Variants in ASF1A observed in about 807,000 individuals in gnomAD.
ASF1A encodes the protein anti-silencing function 1A histone chaperone, also known as histone chaperone ASF1A.
In ASF1A, 5 loss-of-function variants were observed where a neutral mutation model predicts 22.0. The ratio of observed to expected loss-of-function variants is 0.23; its 90% confidence interval spans 0.12 to 0.48. The LOEUF (loss-of-function observed/expected upper bound fraction) is 0.48, where lower values mean the gene tolerates loss of function less well. Among genes scored for constraint, ASF1A ranks in the 20% least tolerant of loss-of-function variants. The probability of loss-of-function intolerance (pLI) is 0.99; values close to 1 mark genes in which losing one functional copy is unlikely to be tolerated. For synonymous variants in ASF1A, 97 were observed against 86.7 expected, an observed-to-expected ratio of 1.12 and a Z score of -0.66; for missense variants, 137 against 240.6, an observed-to-expected ratio of 0.57 and a Z score of 2.85.
intron 2 of ASF1A, among the ~76,000 whole-genome samples, chr6:118,904,652 A>G (rs1263133282): frequency 6.6e-6 from 1 of 152,230 alleles, no homozygotes; most frequent in African/African-American, 2.4e-5. Context: ...TCACCTTACA[A>G]TAGCTTGATT....
At chr6:118,896,773 T>C (rs1212486776) in intron 1 of ASF1A, among the ~76,000 whole-genome samples, 1 of 152,238 alleles carries the variant, frequency 6.6e-6, no homozygotes, top group African/African-American at 2.4e-5. Context: ...AGGCTTCTAA[T>C]AGGTTCCATA....
intron 1 of ASF1A, among the ~76,000 whole-genome samples, chr6:118,900,370 AG>A (rs1209920843): frequency 6.6e-6 from 1 of 152,224 alleles, no homozygotes; most frequent in Non-Finnish European, 1.5e-5. Flanking sequence ...ATACAAAAAA[AG>A]GGGGATTCCA....
At chr6:118,905,266 G>T (rs182539991) in intron 2 of ASF1A, among the ~76,000 whole-genome samples, 277 of 152,318 alleles carry the variant, frequency 1.8e-3, no homozygotes, top group Admixed American at 5.3e-3. Context: ...CAGTCTATGA[G>T]GAGATCATTT....
chr6:118,896,931 G>A (rs948902356), intron 1 of ASF1A, among the ~76,000 whole-genome samples: 1 of 152,018 alleles, frequency 6.6e-6, no homozygotes, highest in Non-Finnish European at 1.5e-5. Context: ...GCCTCAACCT[G>A]GGCTTAAGCA....
intron 2 of ASF1A, among the ~76,000 whole-genome samples, chr6:118,901,248 C>G (rs925860612): frequency 7.2e-5 from 11 of 152,138 alleles, no homozygotes; most frequent in African/African-American, 2.2e-4. Context: ...TTCAAAATAT[C>G]TAAAACTAAC....
At chr6:118,905,625 GTTTCT>G (rs1562432347) in intron 2 of ASF1A, 22 bp from the exon 3 acceptor site, 2 of 1,566,872 alleles carry the variant, frequency 1.3e-6, no homozygotes, top group East Asian at 4.6e-5. Context: ...GTGTGTGTGT[GTTTCT>G]TTTCTTTTTA....
intron 2 of ASF1A, among the ~76,000 whole-genome samples, chr6:118,904,518 CCA>C (rs1440568896): frequency 6.6e-6 from 1 of 152,208 alleles, no homozygotes; most frequent in Non-Finnish European, 1.5e-5. Flanking sequence ...CCTGTGTTCC[CCA>C]GTCTGGCTCC....
intron 1 of ASF1A, among the ~76,000 whole-genome samples, chr6:118,895,005 T>C (rs1387651735): frequency 1.3e-5 from 2 of 152,036 alleles, no homozygotes; most frequent in African/African-American, 2.4e-5. Flanking sequence ...CGGCGCCTCC[T>C]CTTGCCCCGC....
At chr6:118,897,442 TTA>T (rs34389809) in intron 1 of ASF1A, among the ~76,000 whole-genome samples, 1,580 of 151,156 alleles carry the variant, frequency 0.01, 29 homozygotes, top group African/African-American at 0.036. Flanking sequence ...ATTCTTAAAT[TTA>T]TATATATATA....
At chr6:118,906,362 C>G (rs1780178328) in intron 3 of ASF1A, among the ~76,000 whole-genome samples, 1 of 152,168 alleles carries the variant, frequency 6.6e-6, no homozygotes, top group Admixed American at 6.5e-5. Flanking sequence ...TGTGAGCCAC[C>G]ACGCCCAGAG....
chr6:118,905,802 C>T lies in ASF1A; in HGVS notation c.376C>T (p.Pro126Ser). 6.2e-7 allele frequency: 1 copy of T among 1,606,630 alleles called. No homozygotes were observed. The highest frequency in any genetic ancestry group is 8.5e-7 in the Non-Finnish European group (1 of 1,175,278). ...TACTGAGACAGAATTAAGGGAAAAT[C>T]CACCAGTAAAACCAGACTTTTCTAA... ...EYTETELRENPPVKPDFSKLQ... is the reference protein window; with the variant it reads ...EYTETELRENSPVKPDFSKLQ... The change falls in exon 3 of 4, where the codon CCA becomes TCA. Residue 126 changes from proline to serine, a missense_variant. By Grantham distance (74) the Pro-to-Ser change is moderately conservative. Around this residue, in one of 2 missense-constraint regions of ASF1A, gnomAD observed 96 missense variants for 196.7 expected, o/e 0.49. Transcript: ENST00000229595.
In ASF1A at chr6:118,904,248, T is replaced by C. The variant is rs534148859; in HGVS notation, c.226-1404T>C. On this transcript the variant is annotated intron_variant, in intron 2 of 3. Transcript: ENST00000229595. ...AAAAAATGTTGAGACTGACTAGATG[T>C]AGGAGATAAGGGAGTGAAGCTGACT... Among the ~76,000 whole-genome samples the C allele has an allele frequency of 3.9e-5, 6 of 152,258 alleles. No homozygotes were observed. The East Asian group carries it at 1.2e-3, about 29-fold the overall frequency.
In ASF1A at chr6:118,894,192, AT is replaced by A; in HGVS notation, c.-221del. ...CCAATCGAGGGCAACGCTGCTACTT[AT>A]CAGAGCAGAATGGGCTGTAGTTTAG... On this transcript the variant is annotated 5_prime_UTR_variant, in exon 1 of 4. Transcript: ENST00000229595. 1 of 1,334,928 alleles carries A rather than the reference AT, an allele frequency of 7.5e-7. No individual in the cohort carries two copies. Among genetic ancestry groups the A allele is most frequent in the Non-Finnish European group, 9.6e-7 (1 of 1,042,410 alleles). The allele number at this position is 1,334,928 out of a possible 1,614,324, so 82.7% of individuals were successfully genotyped here.
At chr6:118,897,533 C>A (rs1052388098) in intron 1 of ASF1A, among the ~76,000 whole-genome samples, 1 of 152,036 alleles carries the variant, frequency 6.6e-6, no homozygotes, top group African/African-American at 2.4e-5. Context: ...TTTCCAACTT[C>A]AGCTTGTTCT....
At chr6:118,895,224 C>T (rs1260864943) in intron 1 of ASF1A, among the ~76,000 whole-genome samples, 2 of 151,888 alleles carry the variant, frequency 1.3e-5, no homozygotes, top group South Asian at 2.1e-4. Flanking sequence ...CGGCGCTCCC[C>T]GGGGGCCGTG....
At chr6:118,904,449 C>T (rs539934730) in intron 2 of ASF1A, among the ~76,000 whole-genome samples, 1 of 152,326 alleles carries the variant, frequency 6.6e-6, no homozygotes, top group African/African-American at 2.4e-5. Context: ...AGCTAATTTG[C>T]TGGGACTTGA....
intron 1 of ASF1A, among the ~76,000 whole-genome samples, chr6:118,899,212 T>C (rs1194364223): frequency 2.6e-5 from 4 of 152,220 alleles, no homozygotes; most frequent in Admixed American, 1.3e-4. Context: ...AATCAAAGCA[T>C]TCCTTTTAAA....
At chr6:118,897,179 T>C (rs551769636) in intron 1 of ASF1A, among the ~76,000 whole-genome samples, 4 of 152,292 alleles carry the variant, frequency 2.6e-5, no homozygotes, top group African/African-American at 9.6e-5. Context: ...TAATAAGTTA[T>C]TTTGCCTCAA....
Position 118,894,273 on chromosome 6 carries a change from GA to G in ASF1A, c.-135del. Reference sequence around the variant, plus strand: ...AGTGCTCCCGTGTAAATAAAAAGAGGAAAAAAGTTTCTCAAGTCGCCGCTGC... The same window carrying G: ...AGTGCTCCCGTGTAAATAAAAAGAGGAAAAAGTTTCTCAAGTCGCCGCTGC... On this transcript the variant is annotated 5_prime_UTR_variant, in exon 1 of 4. Coordinates refer to ENST00000229595, the MANE Select transcript of ASF1A (RefSeq NM_014034.3). The G allele has an allele frequency of 6.8e-7, 1 of 1,462,744 alleles. No individual in the cohort carries two copies. The highest frequency in any genetic ancestry group is 2.2e-4 in the Middle Eastern group (1 of 4,554). 90.6% of individuals were successfully genotyped at this position (1,462,744 alleles called of 1,614,324 possible).
Sources: gnomAD v4.1 joint callset for allele counts (sites outside exome capture counted in the v4.1 genomes callset) on GRCh38, gnomAD v4.1.1 for gene constraint, gnomAD v4.1.1 regional missense constraint, MANE v1.5 for transcripts, NCBI Gene and HGNC (gene_info 2026-07-23, HGNC 2026-07-21) for gene names.